The following FANCA variants were observed in gnomAD, a reference collection of about 807,000 sequenced individuals.
FANCA encodes the protein FA complementation group A.
In FANCA, 236 loss-of-function variants were observed where a neutral mutation model predicts 194.3. That is an observed-to-expected ratio of 1.21 (90% confidence interval 1.09 to 1.35). The LOEUF is 1.35. Ranked by LOEUF, FANCA falls within the 40% of genes most tolerant of loss-of-function variation. The pLI is 0.00. For synonymous variants in FANCA, 1,014 were observed against 715.8 expected, an observed-to-expected ratio of 1.42 and a Z score of -6.65; for missense variants, 2,628 against 1,813.9, an observed-to-expected ratio of 1.45 and a Z score of -8.15.
At chr16:89,757,006 T>C (rs1363033508) in intron 30 of FANCA, among the ~76,000 whole-genome samples, 8 of 152,048 alleles carry the variant, frequency 5.3e-5, no homozygotes, top group Admixed American at 5.2e-4. Context: ...TGAGATGGAG[T>C]CTCACTCTGT....
rs779068860 is a variant in FANCA, at chr16:89,791,511, C to A, written c.1251G>T (p.Gln417His). Reference sequence around the variant, plus strand: ...TGTCCAGCTGGCAGCTCTCGAATGCCTGGGCCATCAAACGCGCCACCCAGT... The same window carrying A: ...TGTCCAGCTGGCAGCTCTCGAATGCATGGGCCATCAAACGCGCCACCCAGT... ...LEDWVARLMAQAFESCQLDSM... is the reference protein window; with the variant it reads ...LEDWVARLMAHAFESCQLDSM... Residue 417 changes from glutamine to histidine, a missense_variant, in exon 14 of 43, where the codon CAG becomes CAT. Gln to His is a conservative substitution (Grantham distance 24). Coordinates refer to ENST00000389301, the MANE Select transcript of FANCA (RefSeq NM_000135.4). 1 of 1,614,136 alleles carries A rather than the reference C, an allele frequency of 6.2e-7. No individual in the cohort carries two copies. The highest frequency in any genetic ancestry group is 2.2e-5 in the East Asian group (1 of 44,876).
At chr16:89,799,865 C>T (rs1567642652) in intron 8 of FANCA, among the ~76,000 whole-genome samples, 1 of 152,140 alleles carries the variant, frequency 6.6e-6, no homozygotes, top group Non-Finnish European at 1.5e-5. Flanking sequence ...CAGTGGCGGA[C>T]GCCCTGTAGT....
chr16:89,759,278 C>A (rs1335992406), intron 29 of FANCA, among the ~76,000 whole-genome samples: 1 of 128,540 alleles, frequency 7.8e-6, no homozygotes, highest in Non-Finnish European at 1.6e-5. Context: ...TGAGATCATG[C>A]CACTGCACTC....
intron 28 of FANCA, among the ~76,000 whole-genome samples, chr16:89,763,701 G>A (rs1051165447): frequency 2.0e-5 from 3 of 152,082 alleles, no homozygotes; most frequent in African/African-American, 7.2e-5. Flanking sequence ...CACTTTGGGA[G>A]GCCAAGGCGG....
Position 89,795,930 on chromosome 16 carries a change from G to C in FANCA, c.982C>G (p.Leu328Val), listed in dbSNP as rs779244841. 9 of 1,613,840 alleles carry C rather than the reference G, an allele frequency of 5.6e-6. No homozygotes were observed. The Admixed American group carries it at 1.3e-4, about 24-fold the overall frequency. The change falls in exon 11 of 43, where the codon CTC becomes GTC. Residue 328 changes from leucine to valine, a missense_variant. Physicochemically the swap from Leu to Val is conservative, Grantham distance 32. Transcript: ENST00000389301. ...RFFSHTLTQI[L>V]THSPVLKASD... ...CCTTTCAGCACAGGGCTGTGAGTGAGTATCTGAGTCAGGGTATGACTGAAG... is the reference window on the plus strand; with the variant it reads ...CCTTTCAGCACAGGGCTGTGAGTGACTATCTGAGTCAGGGTATGACTGAAG...
At chr16:89,808,435 A>C (rs1224995726) in intron 5 of FANCA, 68 bp from the exon 6 acceptor site, 1 of 1,496,752 alleles carries the variant, frequency 6.7e-7, no homozygotes, top group Non-Finnish European at 9.3e-7. Context: ...GTCCTTTATG[A>C]ATGCATTTTC....
At position 89,741,052 on chromosome 16, in the gene FANCA, G is replaced by A. The variant is rs1011153370; in HGVS notation, c.3766-186C>T. The A allele has an allele frequency of 6.3e-6, 4 of 636,562 alleles. No individual in the cohort carries two copies. The East Asian group carries it at 8.3e-5, about 13-fold the overall frequency. The allele number at this position is 636,562 out of a possible 1,614,324, so 39.4% of individuals were successfully genotyped here. A position where few individuals can be genotyped will look rare whatever the true frequency, so the allele number is the denominator to read the frequency against. ...CTTAATTGAGAATTAATTACTACTG[G>A]CTGGGTCATTTCACACTTGCCTTTA... On this transcript the variant is annotated intron_variant, in intron 37 of 42. Coordinates refer to ENST00000389301, the MANE Select transcript of FANCA (RefSeq NM_000135.4).
intron 40 of FANCA, 39 bp from the exon 41 acceptor site, chr16:89,739,328 C>T: frequency 6.2e-7 from 1 of 1,612,740 alleles, no homozygotes; most frequent in South Asian, 1.1e-5. Context: ...CTACAGACTG[C>T]TGGAAAGGTA....
chr16:89,805,330 T>A lies in FANCA; in HGVS notation c.659A>T (p.Gln220Leu), dbSNP rs537435838. Reference protein sequence around the residue: ...LFRNLCCLCEQMEASCQHADV... With the variant: ...LFRNLCCLCELMEASCQHADV... Reference sequence around the variant, plus strand: ...AGCATGCTGGCAGGATGCTTCCATCTGTTCACAAAGGCAGCACAGATTCCT... The same window carrying A: ...AGCATGCTGGCAGGATGCTTCCATCAGTTCACAAAGGCAGCACAGATTCCT... Residue 220 changes from glutamine (Q) to leucine (L), a missense_variant, in exon 7 of 43, where the codon CAG becomes CTG. Physicochemically the swap from Gln to Leu is moderately radical, Grantham distance 113. Transcript: ENST00000389301. 1 of 1,614,072 alleles carries A rather than the reference T, an allele frequency of 6.2e-7. No homozygotes were observed. Among genetic ancestry groups the A allele is most frequent in the Admixed American group, 1.7e-5 (1 of 59,994 alleles).
At chr16:89,791,302 C>G (rs2040068420) in intron 14 of FANCA, 101 bp downstream of exon 14, 1 of 1,487,820 alleles carries the variant, frequency 6.7e-7, no homozygotes, top group African/African-American at 1.4e-5. Flanking sequence ...AGCAAGGTTG[C>G]TCACTCACAT....
intron 5 of FANCA, among the ~76,000 whole-genome samples, chr16:89,809,306 A>G (rs1299200296): frequency 2.0e-5 from 3 of 152,206 alleles, no homozygotes; most frequent in African/African-American, 7.2e-5. Context: ...GAGCACATGA[A>G]TCATCGCACT....
At position 89,745,047 on chromosome 16, in the gene FANCA, C is replaced by G. The variant is rs372706571; in HGVS notation, c.3538G>C (p.Val1180Leu). ...TGTCTCCTCCACCGGCAGAGCAGCA[C>G]AGGCTCCAGGCTCGGCCACCACACC... ...ALVWWPSLEPVLLCRWRRHCQ... is the reference protein window; with the variant it reads ...ALVWWPSLEPLLLCRWRRHCQ... The change falls in exon 36 of 43, where the codon GTG becomes CTG. Residue 1180 changes from valine to leucine, a missense_variant. Transcript: ENST00000389301. 13 of 1,607,800 alleles carry G rather than the reference C, an allele frequency of 8.1e-6. No homozygotes were observed. The highest frequency in any genetic ancestry group is 2.2e-5 in the East Asian group (1 of 44,810).
chr16:89,792,004 T>C lies in FANCA; in HGVS notation c.1148A>G (p.Glu383Gly). 6.2e-7 allele frequency: 1 copy of C among 1,614,178 alleles called. No homozygotes were observed. The highest frequency in any genetic ancestry group is 1.1e-5 in the South Asian group (1 of 91,088). ...GGAGAGCACTCTCTGCCAGTGAACC[T>C]CCTGCGTTTCCAGAACTTCTTGCAA... The part of the protein sequence containing the change: ...GHLQEVLETQ[E>G]VHWQRVLSFV... Residue 383 changes from glutamate (E) to glycine (G), a missense_variant, in exon 13 of 43, where the codon GAG becomes GGG. Transcript: ENST00000389301.
intron 21 of FANCA, among the ~76,000 whole-genome samples, chr16:89,773,938 T>G (rs530141579): frequency 6.6e-6 from 1 of 151,894 alleles, no homozygotes; most frequent in Non-Finnish European, 1.5e-5. Flanking sequence ...TCCAGCTAAT[T>G]TTTTGTATTT....
chr16:89,748,841 A>C, intron 32 of FANCA, 74 bp from the exon 33 acceptor site: 4 of 1,270,116 alleles, frequency 3.1e-6, no homozygotes, highest in Non-Finnish European at 4.5e-6. Flanking sequence ...TCAGACTCTC[A>C]GAGCAGCAAC....
rs778367449 is a variant in FANCA at position 89,737,911 on chromosome 16, T to C, written c.*690A>G. On this transcript the variant is annotated 3_prime_UTR_variant, in exon 43 of 43. Coordinates refer to ENST00000389301, the MANE Select transcript of FANCA (RefSeq NM_000135.4). ...TCGGGAGCCAAGCCTTTGCAGTAAG[T>C]GTGAGTCAGGACCCCCTCCCAGGGC... 1.3e-6 allele frequency: 2 copies of C among 1,583,474 alleles called. No individual in the cohort carries two copies.
At chr16:89,788,316 CCAGGTGTGGTGG>C (rs2143501834) in intron 14 of FANCA, among the ~76,000 whole-genome samples, 1 of 152,098 alleles carries the variant, frequency 6.6e-6, no homozygotes, top group South Asian at 2.1e-4. Context: ...CAAAAATTAG[CCAGGTGTGGTGG>C]CAGGCACCTG....
At chr16:89,800,613 A>T (rs1418248836) in intron 8 of FANCA, among the ~76,000 whole-genome samples, 1 of 152,260 alleles carries the variant, frequency 6.6e-6, no homozygotes, top group East Asian at 1.9e-4. Context: ...CTGAGGAAAA[A>T]GAACAAAGCT....
chr16:89,759,503 G>A (rs984067722), intron 29 of FANCA, among the ~76,000 whole-genome samples: 5 of 151,960 alleles, frequency 3.3e-5, no homozygotes, highest in African/African-American at 9.7e-5. Context: ...GGCTACACCT[G>A]TAATCCCAGC....
Sources: allele counts gnomAD v4.1 joint callset (sites outside exome capture counted in the v4.1 genomes callset), GRCh38; gene constraint gnomAD v4.1.1; transcripts MANE v1.5; gene names NCBI Gene and HGNC (gene_info 2026-07-23, HGNC 2026-07-21).